LDLRAD3: variants seen among roughly 807,000 people sequenced by gnomAD.
LDLRAD3 encodes the protein low density lipoprotein receptor class A domain containing 3.
In LDLRAD3, 20 loss-of-function variants were observed where a neutral mutation model predicts 29.4. That is an observed-to-expected ratio of 0.68 (90% CI 0.48 to 0.99). LDLRAD3 has a LOEUF of 0.99. LDLRAD3 is among the 50% of genes least tolerant of loss of function. LDLRAD3 has a pLI of 0.00. For synonymous variants in LDLRAD3, 157 were observed against 192.7 expected (o/e 0.81, Z 1.53); for missense variants, 420 against 454.3 (o/e 0.92, Z 0.69).
chr11:36,181,575 C>G (rs1420020007), intron 4 of LDLRAD3, among the ~76,000 whole-genome samples: 1 of 152,168 alleles, frequency 6.6e-6, no homozygotes, highest in African/African-American at 2.4e-5. Context: ...TAGGTTTTCA[C>G]ATGGAGCCTC....
chr11:36,129,655 A>AC (rs1853895993), intron 4 of LDLRAD3, among the ~76,000 whole-genome samples: 1 of 152,142 alleles, frequency 6.6e-6, no homozygotes, highest in Non-Finnish European at 1.5e-5. Flanking sequence ...CATGCAATTG[A>AC]TCATTGCTCT....
At chr11:36,214,699 A>G (rs1055994878) in intron 4 of LDLRAD3, among the ~76,000 whole-genome samples, 6 of 152,122 alleles carry the variant, frequency 3.9e-5, no homozygotes, top group African/African-American at 1.4e-4. Flanking sequence ...TCTCAGCTCA[A>G]TCACTTCCTG....
chr11:35,966,661 T>G (rs558978250), intron 1 of LDLRAD3, among the ~76,000 whole-genome samples: 1,172 of 99,278 alleles, frequency 0.012, 6 homozygotes, highest in Middle Eastern at 0.075. Context: ...CCAGCGTTTT[T>G]GTTCTGCAAT....
chr11:36,072,164 T>G (rs1215965536), intron 2 of LDLRAD3, among the ~76,000 whole-genome samples: 1 of 152,156 alleles, frequency 6.6e-6, no homozygotes, highest in Non-Finnish European at 1.5e-5. Flanking sequence ...GAGTAGCTGT[T>G]GCTCATTTGG....
intron 4 of LDLRAD3, among the ~76,000 whole-genome samples, chr11:36,202,842 G>A (rs1443451586): frequency 1.3e-5 from 2 of 152,160 alleles, no homozygotes; most frequent in African/African-American, 2.4e-5. Flanking sequence ...CGGCAGAGGG[G>A]GATGTGATGG....
At chr11:36,191,576 C>CTCTCTCTCTCTCTCTATATA (rs377747518) in intron 4 of LDLRAD3, among the ~76,000 whole-genome samples, 3 of 53,426 alleles carry the variant, frequency 5.6e-5, no homozygotes, top group African/African-American at 1.7e-4. Context: ...CTCTCTCTCT[C>CTCTCTCTCTCTCTCTATATA]TATATATATA....
At chr11:35,996,502 A>G (rs1256607172) in intron 1 of LDLRAD3, among the ~76,000 whole-genome samples, 2 of 152,246 alleles carry the variant, frequency 1.3e-5, no homozygotes, top group Non-Finnish European at 2.9e-5. Flanking sequence ...CCAAAATGTG[A>G]TACAAACACA....
intron 3 of LDLRAD3, among the ~76,000 whole-genome samples, chr11:36,086,954 C>T (rs897043684): frequency 6.6e-6 from 1 of 152,082 alleles, no homozygotes; most frequent in African/African-American, 2.4e-5. Context: ...TACGCATCAC[C>T]ATTATGAGAT....
chr11:36,072,597 G>A (rs1436173825), intron 2 of LDLRAD3, among the ~76,000 whole-genome samples: 5 of 152,190 alleles, frequency 3.3e-5, no homozygotes, highest in Non-Finnish European at 5.9e-5. Flanking sequence ...AGGGTACCCT[G>A]CCTAAAGTGT....
chr11:36,118,824 A>T (rs867088795), intron 4 of LDLRAD3, among the ~76,000 whole-genome samples: 4 of 152,012 alleles, frequency 2.6e-5, no homozygotes, highest in African/African-American at 9.7e-5. Context: ...ATACCCACAC[A>T]CAGTCATTCC....
At chr11:36,144,294 A>G (rs1590304574) in intron 4 of LDLRAD3, among the ~76,000 whole-genome samples, 2 of 151,032 alleles carry the variant, frequency 1.3e-5, no homozygotes, top group East Asian at 4.1e-4. Context: ...TCCACCTCCC[A>G]GCTGCCTGCC....
Position 36,057,768 on chromosome 11 carries a change from A to G in LDLRAD3, c.193+21519A>G, listed in dbSNP as rs145652930. On this transcript the variant is annotated intron_variant, in intron 2 of 5. Transcript: ENST00000315571. ...CATTTTCCCTTGCTCATTTATTTCC[A>G]TAAACTAGTGATCCTCAGATATTTT... Among the ~76,000 whole-genome samples, 947 of 152,250 alleles carry G rather than the reference A, an allele frequency of 6.2e-3. 4 individuals carry two copies. Among genetic ancestry groups the G allele is most frequent in the South Asian group, 0.011 (51 of 4,828 alleles).
In LDLRAD3 at chr11:36,076,845, AT is replaced by A. The variant is rs150318328; in HGVS notation, c.194-4798del. On this transcript the variant is annotated intron_variant, in intron 2 of 5. Coordinates refer to ENST00000315571, the MANE Select transcript of LDLRAD3 (RefSeq NM_174902.4). ...ATATAACTAGTGTACAGTATTGTAG[AT>A]TTTTTTTTTCTTTAGCTTTATGGAA... is the stretch of plus-strand genomic sequence containing the variant. Among the ~76,000 whole-genome samples, 883 of 150,766 alleles carry A rather than the reference AT, an allele frequency of 5.9e-3. 10 individuals carry two copies. The highest frequency in any genetic ancestry group is 0.02 in the African/African-American group (843 of 41,124).
chr11:36,140,380 C>T (rs75700929), intron 4 of LDLRAD3, among the ~76,000 whole-genome samples: 2,521 of 152,302 alleles, frequency 0.017, 90 homozygotes, highest in African/African-American at 0.058. Flanking sequence ...AACAAACCAT[C>T]TAAATGCCTG....
intron 1 of LDLRAD3, among the ~76,000 whole-genome samples, chr11:35,956,760 G>A (rs1351194745): frequency 1.3e-5 from 2 of 151,836 alleles, no homozygotes; most frequent in Non-Finnish European, 1.5e-5. Flanking sequence ...TTTTTGAGAC[G>A]GAGTCTTGCT....
intron 2 of LDLRAD3, among the ~76,000 whole-genome samples, chr11:36,046,667 C>G (rs1328508426): frequency 6.6e-6 from 1 of 152,170 alleles, no homozygotes; most frequent in African/African-American, 2.4e-5. Flanking sequence ...ACCTGCTACA[C>G]TGGGTAAATA....
chr11:36,023,674 C>T (rs551936426), intron 1 of LDLRAD3, among the ~76,000 whole-genome samples: 3 of 152,170 alleles, frequency 2.0e-5, no homozygotes, highest in South Asian at 2.1e-4. Context: ...GCTATGGGGA[C>T]GATTACGAGT....
At chr11:36,204,601 C>T (rs1258913736) in intron 4 of LDLRAD3, among the ~76,000 whole-genome samples, 2 of 151,868 alleles carry the variant, frequency 1.3e-5, no homozygotes, top group Non-Finnish European at 2.9e-5. Flanking sequence ...GATTCTGCTG[C>T]CTCAGCCTCC....
intron 4 of LDLRAD3, among the ~76,000 whole-genome samples, chr11:36,104,357 T>C (rs1044630657): frequency 6.6e-6 from 1 of 152,152 alleles, no homozygotes. Flanking sequence ...GTGTGGCCAC[T>C]CCTGGGTTTC....
Sources: allele counts gnomAD v4.1 joint callset (sites outside exome capture counted in the v4.1 genomes callset), GRCh38; gene constraint gnomAD v4.1.1; transcripts MANE v1.5; gene names NCBI Gene and HGNC (gene_info 2026-07-23, HGNC 2026-07-21).